The following CASP8 variants were observed in gnomAD, a reference collection of about 807,000 sequenced individuals.
CASP8 encodes the protein caspase-8.
In CASP8, 24 loss-of-function variants were observed where a neutral mutation model predicts 46.3. That is an observed-to-expected ratio of 0.52 (90% CI 0.38 to 0.73). The LOEUF is 0.73. Ranked by LOEUF, CASP8 falls within the 30% of genes least tolerant of loss-of-function variation. The probability of loss-of-function intolerance (pLI) is 0.00; values close to 1 mark genes in which losing one functional copy is unlikely to be tolerated. For missense variants in CASP8, 460 were observed against 559.0 expected, an observed-to-expected ratio of 0.82 and a Z score of 1.79; for synonymous variants, 188 against 200.4, an observed-to-expected ratio of 0.94 and a Z score of 0.52.
intron 1 of CASP8, among the ~76,000 whole-genome samples, chr2:201,261,029 A>G (rs1446669099): frequency 1.3e-5 from 2 of 152,196 alleles, no homozygotes; most frequent in Non-Finnish European, 1.5e-5. Context: ...ACTTGCCAAC[A>G]TAAACGCACA....
At chr2:201,261,099 G>T (rs1226349348) in intron 1 of CASP8, among the ~76,000 whole-genome samples, 2 of 152,042 alleles carry the variant, frequency 1.3e-5, no homozygotes, top group African/African-American at 2.4e-5. Flanking sequence ...ATTTTTTAAA[G>T]AAATTAAAAA....
intron 1 of CASP8, among the ~76,000 whole-genome samples, chr2:201,261,197 G>C (rs548999368): frequency 2.0e-4 from 30 of 152,250 alleles, no homozygotes; most frequent in African/African-American, 6.7e-4. Context: ...TTTGAGACCA[G>C]CTTGACCAAC....
At chr2:201,239,119 G>T (rs1478112025) in intron 2 of CASP8, among the ~76,000 whole-genome samples, 1 of 152,228 alleles carries the variant, frequency 6.6e-6, no homozygotes, top group Non-Finnish European at 1.5e-5. Context: ...CAAGGCAGAA[G>T]AATTTTTCTT....
chr2:201,275,087 A>C (rs186815738), intron 6 of CASP8, 134 bp downstream of exon 6: 3 of 706,626 alleles, frequency 4.2e-6, no homozygotes, highest in Admixed American at 2.8e-5. Flanking sequence ...AGAACTGTAG[A>C]AAAAATTCAC....
chr2:201,258,570 T>C (rs371010035), upstream of CASP8, among the ~76,000 whole-genome samples: 5 of 152,304 alleles, frequency 3.3e-5, 1 homozygote, highest in East Asian at 1.9e-4. Flanking sequence ...CCTCTGACTT[T>C]GCTACTTTTT....
rs1348033198 is a variant in CASP8 at position 201,272,324 on chromosome 2, C to T, written c.412-314C>T. 6.6e-6 allele frequency among the ~76,000 whole-genome samples: 1 copy of T among 151,938 alleles called. No homozygotes were observed. The highest frequency in any genetic ancestry group is 1.5e-5 in the Non-Finnish European group (1 of 68,008). ...TTCCCCAGGGTGTCACCATGATGAC[C>T]GGGCTGCTGTCTCAGGTTGTTTCAC... On this transcript the variant is annotated intron_variant, in intron 3 of 8. Coordinates refer to ENST00000673742, the MANE Select transcript of CASP8 (RefSeq NM_001372051.1). The surrounding 1 kb of genome is among the most constrained non-coding windows in gnomAD (Gnocchi z 4.4).
chr2:201,237,050 G>C (rs906488205), intron 2 of CASP8, among the ~76,000 whole-genome samples: 1 of 146,012 alleles, frequency 6.8e-6, no homozygotes, highest in East Asian at 2.0e-4. Context: ...CAGTGCGTCT[G>C]TGTTTGTTCC....
intron 2 of CASP8, chr2:201,234,220 G>A (rs1297837259): frequency 1.3e-5 from 2 of 152,402 alleles, no homozygotes; most frequent in African/African-American, 2.4e-5. Flanking sequence ...TGCCAGTTGG[G>A]ACCTTCCCGC....
At chr2:201,275,460 T>G (rs1948574118) in intron 6 of CASP8, among the ~76,000 whole-genome samples, 1 of 152,212 alleles carries the variant, frequency 6.6e-6, no homozygotes, top group Non-Finnish European at 1.5e-5. Context: ...CTTCTCTTTA[T>G]GTAATCAACA....
chr2:201,236,858 G>A lies in CASP8; in HGVS notation c.-27+2746G>A, dbSNP rs571314545. 3.3e-5 allele frequency among the ~76,000 whole-genome samples: 5 copies of A among 152,258 alleles called. No individual in the cohort carries two copies. In the East Asian group the frequency reaches 7.7e-4, roughly 24 times the overall value. On this transcript the variant is annotated intron_variant, in intron 2 of 6. Transcript: ENST00000264274. ...TGGGCTCAAGCTATCCATCTGCCTCGGCTGCCCAAAGTGCCGAGATGACAG... is the reference window on the plus strand; with the variant it reads ...TGGGCTCAAGCTATCCATCTGCCTCAGCTGCCCAAAGTGCCGAGATGACAG...
intron 2 of CASP8, chr2:201,242,321 T>C (rs1335494194): frequency 6.6e-6 from 1 of 152,148 alleles, no homozygotes; most frequent in East Asian, 1.9e-4. Flanking sequence ...CAGAAATTTA[T>C]TTTTCACAGT....
chr2:201,265,484 T>C (rs1225547429), intron 1 of CASP8, among the ~76,000 whole-genome samples: 1 of 152,120 alleles, frequency 6.6e-6, no homozygotes, highest in African/African-American at 2.4e-5. Context: ...ACTTTGGGGA[T>C]TGATGGTGGG....
chr2:201,266,008 C>G lies in CASP8; in HGVS notation c.-26-453C>G, dbSNP rs1027683416. Among the ~76,000 whole-genome samples the G allele has an allele frequency of 7.0e-6, 1 of 143,766 alleles. No individual in the cohort carries two copies. Among genetic ancestry groups the G allele is most frequent in the African/African-American group, 2.6e-5 (1 of 38,164 alleles). 94.3% of individuals were successfully genotyped at this position (143,766 alleles called of 152,430 possible). Reference sequence around the variant, plus strand: ...TTTTTTTTTTTTTGTGAGACGGAGTCTTGCCCTGTCACCCAGGCTGGAGTG... The same window carrying G: ...TTTTTTTTTTTTTGTGAGACGGAGTGTTGCCCTGTCACCCAGGCTGGAGTG... On this transcript the variant is annotated intron_variant, in intron 1 of 8. Transcript: ENST00000673742. The surrounding 1 kb of genome is among the most constrained non-coding windows in gnomAD (Gnocchi z 5.7).
chr2:201,281,845 T>C, intron 7 of CASP8: 1 of 1,466,204 alleles, frequency 6.8e-7, no homozygotes, highest in Non-Finnish European at 9.1e-7. Flanking sequence ...TTTGAGAATG[T>C]TTTTAGCTGG....
chr2:201,245,667 C>G (rs748043905), intron 2 of CASP8, among the ~76,000 whole-genome samples: 1 of 152,184 alleles, frequency 6.6e-6, no homozygotes, highest in Admixed American at 6.5e-5. Context: ...TAGCCTGCCA[C>G]GGCTCCAGGT....
chr2:201,260,702 A>G (rs1269314477), intron 1 of CASP8, 89 bp downstream of exon 1: 7 of 300,246 alleles, frequency 2.3e-5, no homozygotes, highest in Admixed American at 1.9e-4. Context: ...TGAGAGTGAG[A>G]TCGGGTGGCC....
intron 7 of CASP8, among the ~76,000 whole-genome samples, chr2:201,282,768 C>G (rs373334855): frequency 0.46 from 28,506 of 61,860 alleles, 7,672 homozygotes; most frequent in African/African-American, 0.68. Flanking sequence ...AGGGGCGGCC[C>G]GGCAGAGGCG....
intron 2 of CASP8, among the ~76,000 whole-genome samples, chr2:201,243,924 C>T (rs899614043): frequency 2.0e-5 from 3 of 152,186 alleles, no homozygotes; most frequent in Admixed American, 2.0e-4. Flanking sequence ...CAGCAATCCC[C>T]TGTTTGGCCT....
rs1367507407 is a variant in CASP8, at chr2:201,286,495, C to CTATGAAG, written c.1344_1350dup (p.Ser451Ter). On this transcript the variant is annotated frameshift_variant, in exon 9 of 9. Transcript: ENST00000673742. LOFTEE classifies it high-confidence loss of function. Reference sequence around the variant, plus strand: ...TTCTCACCATCCTGACTGAAGTGAACTATGAAGTAAGCAACAAGGATGACA... The same window carrying CTATGAAG: ...TTCTCACCATCCTGACTGAAGTGAACTATGAAGTATGAAGTAAGCAACAAGGATGACA... 1.2e-6 allele frequency: 2 copies of CTATGAAG among 1,612,660 alleles called. No homozygotes were observed. Among genetic ancestry groups the CTATGAAG allele is most frequent in the African/African-American group, 1.3e-5 (1 of 75,006 alleles).
Sources: gnomAD v4.1 joint callset for allele counts (sites outside exome capture counted in the v4.1 genomes callset) on GRCh38, gnomAD v4.1.1 for gene constraint, Gnocchi (gnomAD v3.1) non-coding constraint, MANE v1.5 for transcripts, NCBI Gene and HGNC (gene_info 2026-07-23, HGNC 2026-07-21) for gene names.